EFHD1: variants seen among roughly 807,000 people sequenced by gnomAD.
The protein encoded by EFHD1 is EF-hand domain-containing protein D1.
A neutral mutation model predicts 17.2 loss-of-function variants in EFHD1; 10 were observed. The observed-to-expected ratio is 0.58, with a 90% CI of 0.36 to 0.99. The LOEUF is 0.99. Among genes scored for constraint, EFHD1 ranks in the 50% least tolerant of loss-of-function variants. EFHD1 has a pLI of 0.01. For missense variants in EFHD1, 310 were observed against 327.5 expected (o/e 0.95, Z 0.41); for synonymous variants, 153 against 142.0 (o/e 1.08, Z -0.55).
intron 1 of EFHD1, among the ~76,000 whole-genome samples, chr2:232,647,294 C>T (rs1694549841): frequency 6.6e-6 from 1 of 152,252 alleles, no homozygotes; most frequent in Non-Finnish European, 1.5e-5. Context: ...TCGAGAGCTG[C>T]ATGGGTGGCA....
intron 1 of EFHD1, among the ~76,000 whole-genome samples, chr2:232,655,723 C>T (rs1293689562): frequency 6.6e-6 from 1 of 152,206 alleles, no homozygotes; most frequent in African/African-American, 2.4e-5. Context: ...AGCCTTTGGG[C>T]CCCTGGGCAA....
At chr2:232,622,607 G>A (rs1313547373) in intron 1 of EFHD1, among the ~76,000 whole-genome samples, 1 of 148,996 alleles carries the variant, frequency 6.7e-6, no homozygotes, top group Non-Finnish European at 1.5e-5. Flanking sequence ...AGGTGAGGGA[G>A]TAATGAGTGG....
chr2:232,620,702 A>G (rs1694004602), intron 1 of EFHD1, among the ~76,000 whole-genome samples: 1 of 152,188 alleles, frequency 6.6e-6, no homozygotes, highest in Admixed American at 6.5e-5. Context: ...TAAATCTTGA[A>G]ATACATTTTC....
At chr2:232,667,228 C>A (rs961823664) in intron 2 of EFHD1, among the ~76,000 whole-genome samples, 2 of 152,168 alleles carry the variant, frequency 1.3e-5, no homozygotes, top group African/African-American at 4.8e-5. Context: ...GCTGGGCCGC[C>A]CGCCTGCCTG....
chr2:232,640,818 C>A (rs560453605), intron 1 of EFHD1, among the ~76,000 whole-genome samples: 1 of 152,098 alleles, frequency 6.6e-6, no homozygotes, highest in Non-Finnish European at 1.5e-5. Flanking sequence ...TGGGCACAGC[C>A]AGGGAGGAGC....
intron 1 of EFHD1, among the ~76,000 whole-genome samples, chr2:232,615,861 A>G (rs1166403430): frequency 2.0e-5 from 3 of 151,344 alleles, no homozygotes; most frequent in African/African-American, 7.3e-5. Flanking sequence ...CTAATTTTGT[A>G]TTTTTAGTAG....
At chr2:232,608,223 A>G (rs995000430) in intron 1 of EFHD1, among the ~76,000 whole-genome samples, 9 of 151,608 alleles carry the variant, frequency 5.9e-5, no homozygotes, top group Admixed American at 3.9e-4. Flanking sequence ...TACAAAAATT[A>G]GCCTGGCGTG....
At chr2:232,676,170 G>A (rs1331869081) in intron 3 of EFHD1, among the ~76,000 whole-genome samples, 1 of 151,748 alleles carries the variant, frequency 6.6e-6, no homozygotes, top group African/African-American at 2.4e-5. Context: ...GCAAGACCAT[G>A]TCTCAAAGGA....
At chr2:232,607,994 T>G (rs891691976) in intron 1 of EFHD1, among the ~76,000 whole-genome samples, 1 of 151,876 alleles carries the variant, frequency 6.6e-6, no homozygotes, top group Non-Finnish European at 1.5e-5. Context: ...AACAAGATAA[T>G]ATGGAACTAC....
chr2:232,670,392 G>C (rs1252309544), intron 2 of EFHD1, among the ~76,000 whole-genome samples: 10 of 151,892 alleles, frequency 6.6e-5, no homozygotes, highest in Non-Finnish European at 1.5e-5. Flanking sequence ...AGTGAGCCGA[G>C]ATCGAGCCAT....
At chr2:232,641,925 G>A (rs116803837) in intron 1 of EFHD1, among the ~76,000 whole-genome samples, 1,705 of 152,316 alleles carry the variant, frequency 0.011, 42 homozygotes, top group African/African-American at 0.039. Flanking sequence ...ACTGGAGAAG[G>A]AGCAGGACCT....
At chr2:232,615,319 G>GTA (rs2106183619) in intron 1 of EFHD1, among the ~76,000 whole-genome samples, 1 of 127,448 alleles carries the variant, frequency 7.8e-6, no homozygotes, top group African/African-American at 2.6e-5. Flanking sequence ...TATAGTGTGT[G>GTA]TGTGTGTGTG....
intron 1 of EFHD1, among the ~76,000 whole-genome samples, chr2:232,656,868 T>C (rs1694773517): frequency 6.6e-6 from 1 of 152,214 alleles, no homozygotes; most frequent in African/African-American, 2.4e-5. Context: ...AGCCTCAAAC[T>C]CTTGTGCTCA....
intron 1 of EFHD1, among the ~76,000 whole-genome samples, chr2:232,643,219 A>C (rs988966191): frequency 8.6e-5 from 13 of 151,730 alleles, no homozygotes; most frequent in Admixed American, 8.5e-4. Context: ...ATAAACAATG[A>C]GGAAATCTTC....
intron 1 of EFHD1, among the ~76,000 whole-genome samples, chr2:232,650,355 T>C (rs1694622364): frequency 6.7e-6 from 1 of 148,484 alleles, no homozygotes; most frequent in Admixed American, 6.8e-5. Context: ...AGTGCAGTGG[T>C]GCAATCTTGG....
At chr2:232,611,408 C>A (rs1431664399) in intron 1 of EFHD1, 1 of 152,090 alleles carries the variant, frequency 6.6e-6, no homozygotes, top group Non-Finnish European at 1.5e-5. Flanking sequence ...CACAGTGGAT[C>A]TTGAGAGGGG....
upstream of EFHD1, chr2:232,633,574 T>C: frequency 7.7e-7 from 1 of 1,302,406 alleles, no homozygotes; most frequent in Non-Finnish European, 9.7e-7. Context: ...CCTCAGACCC[T>C]CCCAACCGCC....
chr2:232,659,700 A>G (rs941932191), intron 1 of EFHD1, among the ~76,000 whole-genome samples: 3 of 152,144 alleles, frequency 2.0e-5, no homozygotes, highest in African/African-American at 7.2e-5. Flanking sequence ...TAATGAGTGG[A>G]TGAGTCAGTT....
At chr2:232,609,701 C>T (rs1157457919) in intron 1 of EFHD1, among the ~76,000 whole-genome samples, 1 of 152,214 alleles carries the variant, frequency 6.6e-6, no homozygotes, top group African/African-American at 2.4e-5. Context: ...CACCTTCAGC[C>T]CAGCCCAGGC....
Sources: allele counts gnomAD v4.1 joint callset (sites outside exome capture counted in the v4.1 genomes callset), GRCh38; gene constraint gnomAD v4.1.1; transcripts MANE v1.5; gene names NCBI Gene and HGNC (gene_info 2026-07-23, HGNC 2026-07-21).